ARHGAP24: variants seen among roughly 807,000 people sequenced by gnomAD.
ARHGAP24 encodes the protein Rho GTPase activating protein 24, also known as rho GTPase-activating protein 24.
In ARHGAP24, 50 loss-of-function variants were observed where a neutral mutation model predicts 76.4. The observed-to-expected ratio is 0.65, with a 90% CI of 0.52 to 0.83. The LOEUF (loss-of-function observed/expected upper bound fraction) is 0.83. Among genes scored for constraint, ARHGAP24 ranks in the 40% least tolerant of loss-of-function variants. The probability of loss-of-function intolerance (pLI) is 0.00; values close to 1 mark genes in which losing one functional copy is unlikely to be tolerated. For synonymous variants in ARHGAP24, 345 were observed against 323.3 expected (o/e 1.07, Z -0.72); for missense variants, 930 against 914.2 (o/e 1.02, Z -0.22).
intron 5 of ARHGAP24, among the ~76,000 whole-genome samples, chr4:85,969,306 A>G (rs944565859): frequency 3.9e-5 from 6 of 152,122 alleles, no homozygotes; most frequent in Non-Finnish European, 7.4e-5. Flanking sequence ...TAATAAATAG[A>G]TCATCAATGA....
rs1034983475 is a variant in ARHGAP24 at position 85,585,175 on chromosome 4, G to A, written c.180+14454G>A. On this transcript the variant is annotated intron_variant, in intron 2 of 9. Coordinates refer to ENST00000395184, the MANE Select transcript of ARHGAP24 (RefSeq NM_001025616.3). Reference sequence around the variant, plus strand: ...TCAATGCCATGCAATATAAACCTGAGTTTTGTTTCTACCTGCCTTTATCAA... The same window carrying A: ...TCAATGCCATGCAATATAAACCTGAATTTTGTTTCTACCTGCCTTTATCAA... 2.0e-5 allele frequency among the ~76,000 whole-genome samples: 3 copies of A among 152,254 alleles called. No individual in the cohort carries two copies. In the East Asian group the frequency reaches 5.8e-4, roughly 29 times the overall value.
chr4:85,503,481 T>C (rs1306623256), intron 1 of ARHGAP24, among the ~76,000 whole-genome samples: 4 of 152,238 alleles, frequency 2.6e-5, no homozygotes, highest in African/African-American at 9.6e-5. Context: ...CCATTTCTTC[T>C]AGATTTTCTA....
chr4:85,869,768 T>C (rs1732421008), intron 3 of ARHGAP24, among the ~76,000 whole-genome samples: 1 of 152,202 alleles, frequency 6.6e-6, no homozygotes, highest in African/African-American at 2.4e-5. Context: ...CTCTGTTTTC[T>C]GAAGCAAAGT....
intron 4 of ARHGAP24, among the ~76,000 whole-genome samples, chr4:85,931,609 A>G (rs1468128464): frequency 6.6e-6 from 1 of 152,192 alleles, no homozygotes; most frequent in African/African-American, 2.4e-5. Context: ...ACAAGGTGGC[A>G]CTGGGAGAGG....
chr4:85,954,010 A>T (rs1737769657), intron 5 of ARHGAP24, among the ~76,000 whole-genome samples: 1 of 152,184 alleles, frequency 6.6e-6, no homozygotes, highest in African/African-American at 2.4e-5. Context: ...GGGCTCTGAA[A>T]TCTGGTCTGT....
Position 85,903,141 on chromosome 4 carries a change from T to C in ARHGAP24, c.269-20507T>C, listed in dbSNP as rs371885631. Among the ~76,000 whole-genome samples the C allele has an allele frequency of 7.9e-4, 120 of 152,286 alleles. No homozygotes were observed. In the East Asian group the frequency reaches 0.02, roughly 26 times the overall value. On this transcript the variant is annotated intron_variant, in intron 3 of 9. Coordinates refer to ENST00000395184, the MANE Select transcript of ARHGAP24 (RefSeq NM_001025616.3). ...TCAAGATCAAAAGCACTGTGTTGAG[T>C]TTTTTCTTAAATGAGAAATTTTACA... is the stretch of plus-strand genomic sequence containing the variant.
intron 3 of ARHGAP24, among the ~76,000 whole-genome samples, chr4:85,748,913 CTGGCACATCT>C (rs2110065281): frequency 6.6e-6 from 1 of 152,290 alleles, no homozygotes; most frequent in East Asian, 1.9e-4. Context: ...CTCATGTATC[CTGGCACATCT>C]GCATCATTCC....
At chr4:85,518,458 A>G (rs1291789490) in intron 1 of ARHGAP24, among the ~76,000 whole-genome samples, 1 of 152,054 alleles carries the variant, frequency 6.6e-6, no homozygotes, top group Non-Finnish European at 1.5e-5. Flanking sequence ...ATTTTGGTGC[A>G]CCCATCACCA....
intron 2 of ARHGAP24, among the ~76,000 whole-genome samples, chr4:85,599,052 G>T (rs1719943297): frequency 6.6e-6 from 1 of 151,976 alleles, no homozygotes; most frequent in Admixed American, 6.6e-5. Flanking sequence ...AAGCACATTT[G>T]AATTCAACGA....
At chr4:85,981,334 G>A (rs1266090697) in intron 8 of ARHGAP24, among the ~76,000 whole-genome samples, 1 of 152,188 alleles carries the variant, frequency 6.6e-6, no homozygotes, top group Admixed American at 6.5e-5. Flanking sequence ...ACTTGCATGT[G>A]ACAAATATGT....
intron 2 of ARHGAP24, among the ~76,000 whole-genome samples, chr4:85,673,778 A>G (rs1333222306): frequency 7.5e-6 from 1 of 133,586 alleles, no homozygotes; most frequent in Non-Finnish European, 1.6e-5. Flanking sequence ...TGGTTAGTTT[A>G]CTTAGTCACT....
chr4:85,909,130 G>T (rs1300215622), intron 3 of ARHGAP24, among the ~76,000 whole-genome samples: 1 of 152,100 alleles, frequency 6.6e-6, no homozygotes, highest in Non-Finnish European at 1.5e-5. Flanking sequence ...TTGCTTCCTT[G>T]AGGTATTCTG....
rs115954167 is a variant in ARHGAP24 at position 85,697,005 on chromosome 4, C to T, written c.181-24880C>T. Among the ~76,000 whole-genome samples, 809 of 152,110 alleles carry T rather than the reference C, an allele frequency of 5.3e-3. 7 individuals carry two copies. The highest frequency in any genetic ancestry group is 0.018 in the African/African-American group (760 of 41,492). On this transcript the variant is annotated intron_variant, in intron 2 of 9. Coordinates refer to ENST00000395184, the MANE Select transcript of ARHGAP24 (RefSeq NM_001025616.3). ...GGGATATAATCGTGAGCAATAATAT[C>T]GGAGGATAATGAATGTGCCACAGTT...
At chr4:85,738,367 T>TTA (rs1725681587) in intron 3 of ARHGAP24, among the ~76,000 whole-genome samples, 8 of 144,094 alleles carry the variant, frequency 5.6e-5, no homozygotes, top group African/African-American at 1.3e-4. Context: ...CATTTGGGCT[T>TTA]TTATTATTAT....
At chr4:85,632,357 G>A (rs529957162) in intron 2 of ARHGAP24, among the ~76,000 whole-genome samples, 47 of 152,096 alleles carry the variant, frequency 3.1e-4, no homozygotes, top group African/African-American at 1.0e-3. Flanking sequence ...TATGTGTCAC[G>A]TAACTGGAGA....
chr4:85,828,729 A>G (rs1208327628), intron 3 of ARHGAP24, among the ~76,000 whole-genome samples: 1 of 152,148 alleles, frequency 6.6e-6, no homozygotes, highest in Non-Finnish European at 1.5e-5. Flanking sequence ...TGAGTCTGTT[A>G]CAATAGGAAT....
intron 2 of ARHGAP24, among the ~76,000 whole-genome samples, chr4:85,616,850 A>C (rs1472425965): frequency 1.3e-5 from 2 of 151,502 alleles, no homozygotes; most frequent in Non-Finnish European, 2.9e-5. Context: ...CTGGTCTTGA[A>C]CTCCTGACCT....
intron 3 of ARHGAP24, among the ~76,000 whole-genome samples, chr4:85,769,095 G>GA (rs1008530877): frequency 3.3e-5 from 5 of 151,886 alleles, no homozygotes; most frequent in South Asian, 2.1e-4. Flanking sequence ...ATATCCTTAT[G>GA]AAAAAAACGG....
At chr4:85,489,695 C>G (rs948206765) in intron 1 of ARHGAP24, among the ~76,000 whole-genome samples, 5 of 152,108 alleles carry the variant, frequency 3.3e-5, no homozygotes, top group African/African-American at 1.2e-4. Context: ...TTCTGTAGCT[C>G]AAAAGAAAGA....
Sources: allele counts gnomAD v4.1 joint callset (sites outside exome capture counted in the v4.1 genomes callset), GRCh38; gene constraint gnomAD v4.1.1; transcripts MANE v1.5; gene names NCBI Gene and HGNC (gene_info 2026-07-23, HGNC 2026-07-21).